NR3C2: variants seen among roughly 807,000 people sequenced by gnomAD.
NR3C2 encodes the protein mineralocorticoid receptor.
A neutral mutation model predicts 86.4 loss-of-function variants in NR3C2; 15 were observed. The observed-to-expected ratio is 0.17, with a 90% CI of 0.12 to 0.27. NR3C2 has a LOEUF of 0.27. NR3C2 is among the 10% of genes least tolerant of loss of function. The pLI, the probability that NR3C2 is intolerant of heterozygous loss-of-function variation, is 1.00. For missense variants in NR3C2, 960 were observed against 1,195.6 expected (o/e 0.80, Z 2.91); for synonymous variants, 458 against 450.5 (o/e 1.02, Z -0.21).
At chr4:148,415,678 C>T (rs1748956792) in intron 2 of NR3C2, among the ~76,000 whole-genome samples, 1 of 152,134 alleles carries the variant, frequency 6.6e-6, no homozygotes, top group Non-Finnish European at 1.5e-5. Context: ...CCTAACTGAA[C>T]AAAATGCTCA....
chr4:148,261,990 A>G (rs72655242), intron 2 of NR3C2, among the ~76,000 whole-genome samples: 3,887 of 152,256 alleles, frequency 0.026, 150 homozygotes, highest in African/African-American at 0.089. Context: ...AGTGCTCTTT[A>G]TTATTTTTAT....
At chr4:148,149,076 A>T (rs1038115936) in intron 6 of NR3C2, among the ~76,000 whole-genome samples, 2 of 152,200 alleles carry the variant, frequency 1.3e-5, no homozygotes, top group Non-Finnish European at 2.9e-5. Context: ...TATAATTTCC[A>T]ATTGTTTCCC....
upstream of NR3C2, among the ~76,000 whole-genome samples, chr4:148,443,463 G>A (rs952752048): frequency 2.6e-5 from 4 of 152,068 alleles, no homozygotes; most frequent in Admixed American, 2.6e-4. Context: ...GAGGGGGGAA[G>A]GAACCAAACT....
At chr4:148,313,257 C>T (rs917052928) in intron 2 of NR3C2, among the ~76,000 whole-genome samples, 6 of 152,150 alleles carry the variant, frequency 3.9e-5, no homozygotes, top group Non-Finnish European at 1.5e-5. Context: ...AACACAACCA[C>T]TTTAAACATA....
At chr4:148,319,033 A>T (rs533768098) in intron 2 of NR3C2, among the ~76,000 whole-genome samples, 1 of 151,558 alleles carries the variant, frequency 6.6e-6, no homozygotes, top group Non-Finnish European at 1.5e-5. Context: ...GTCTTTAATC[A>T]ATCTTGAATT....
rs72951945 is a variant in NR3C2, at chr4:148,332,239, T to C, written c.1758-72122A>G. The stretch of plus-strand genomic sequence containing the variant: ...TATGTTCAATAAATCTATGCAAGCA[T>C]ATAATCATGGCAACAAATAACTGCA... On this transcript the variant is annotated intron_variant, in intron 2 of 8. Coordinates refer to ENST00000358102, the MANE Select transcript of NR3C2 (RefSeq NM_000901.5). Among the ~76,000 whole-genome samples the C allele has an allele frequency of 6.3e-3, 960 of 152,332 alleles. 7 individuals carry two copies. Among genetic ancestry groups the C allele is most frequent in the African/African-American group, 0.022 (932 of 41,578 alleles).
chr4:148,353,761 A>G (rs1441029140), intron 2 of NR3C2, among the ~76,000 whole-genome samples: 1 of 152,182 alleles, frequency 6.6e-6, no homozygotes. Flanking sequence ...TGTGAGTCAT[A>G]TTAGAGGATC....
intron 2 of NR3C2, among the ~76,000 whole-genome samples, chr4:148,307,618 A>G (rs1235984812): frequency 6.6e-6 from 1 of 152,164 alleles, no homozygotes; most frequent in Non-Finnish European, 1.5e-5. Flanking sequence ...ACAATTTCAT[A>G]TTTATATTTG....
chr4:148,422,952 C>G (rs1219756020), intron 2 of NR3C2, among the ~76,000 whole-genome samples: 2 of 152,056 alleles, frequency 1.3e-5, no homozygotes, highest in African/African-American at 4.8e-5. Flanking sequence ...TCCTATACTC[C>G]TTGGCAATCT....
At chr4:148,195,619 A>T (rs1335579450) in intron 3 of NR3C2, among the ~76,000 whole-genome samples, 1 of 152,206 alleles carries the variant, frequency 6.6e-6, no homozygotes, top group Non-Finnish European at 1.5e-5. Context: ...AGGGAGAAAA[A>T]TGAAGGGAAC....
intron 2 of NR3C2, among the ~76,000 whole-genome samples, chr4:148,383,288 A>G (rs956657361): frequency 1.3e-5 from 2 of 152,168 alleles, no homozygotes; most frequent in African/African-American, 4.8e-5. Flanking sequence ...TTAAGAAGAA[A>G]TAAGTCTACA....
chr4:148,312,429 T>A (rs1208820229), intron 2 of NR3C2, among the ~76,000 whole-genome samples: 1 of 152,176 alleles, frequency 6.6e-6, no homozygotes, highest in African/African-American at 2.4e-5. Context: ...ATGCTAAAAA[T>A]CAGGGCCTTT....
chr4:148,262,115 T>C (rs1740153353), intron 2 of NR3C2, among the ~76,000 whole-genome samples: 1 of 152,188 alleles, frequency 6.6e-6, no homozygotes, highest in South Asian at 2.1e-4. Context: ...CATCTTACAC[T>C]TCACAAGAAA....
chr4:148,445,007 C>A (rs979308521), upstream of NR3C2: 1 of 984,472 alleles, frequency 1.0e-6, no homozygotes, highest in Non-Finnish European at 1.2e-6. Context: ...GCGCCCCCCT[C>A]CCCGGGTCAC....
chr4:148,120,359 C>T, intron 6 of NR3C2, 71 bp from the exon 7 acceptor site: 1 of 1,591,902 alleles, frequency 6.3e-7, no homozygotes, highest in Non-Finnish European at 8.6e-7. Flanking sequence ...CAGCCTGAGG[C>T]AGCTTAATAA....
chr4:148,307,310 G>A (rs1339836206), intron 2 of NR3C2, among the ~76,000 whole-genome samples: 1 of 152,152 alleles, frequency 6.6e-6, no homozygotes, highest in Non-Finnish European at 1.5e-5. Context: ...CAGTTAAAAT[G>A]TGTTGTGTAC....
intron 1 of NR3C2, among the ~76,000 whole-genome samples, chr4:148,437,950 ATTC>A (rs1445698217): frequency 2.0e-5 from 3 of 152,240 alleles, no homozygotes; most frequent in Non-Finnish European, 4.4e-5. Context: ...TATTGATATA[ATTC>A]TTACCCATAT....
intron 2 of NR3C2, among the ~76,000 whole-genome samples, chr4:148,407,042 G>A (rs1358363791): frequency 1.3e-5 from 2 of 152,164 alleles, no homozygotes; most frequent in Admixed American, 6.5e-5. Context: ...CAGGCACTGC[G>A]CTAAATGTAT....
chr4:148,169,242 T>A (rs1320922247), intron 4 of NR3C2, among the ~76,000 whole-genome samples: 3 of 152,166 alleles, frequency 2.0e-5, no homozygotes, highest in Non-Finnish European at 4.4e-5. Flanking sequence ...AAGAAATCAC[T>A]TACATAAATT....
Sources: gnomAD v4.1 joint callset for allele counts (sites outside exome capture counted in the v4.1 genomes callset) on GRCh38, gnomAD v4.1.1 for gene constraint, MANE v1.5 for transcripts, NCBI Gene and HGNC (gene_info 2026-07-23, HGNC 2026-07-21) for gene names.